Variants in COL23A1 observed in about 807,000 individuals in gnomAD.
COL23A1 encodes the protein collagen alpha-1(XXIII) chain.
In COL23A1, 97 loss-of-function variants were observed where a neutral mutation model predicts 99.3. The observed-to-expected ratio is 0.98, with a 90% CI of 0.83 to 1.16. COL23A1 has a LOEUF of 1.16. Among genes scored for constraint, COL23A1 ranks in the 50% most tolerant of loss-of-function variants. The pLI is 0.00. For missense variants in COL23A1, 762 were observed against 757.4 expected (o/e 1.01, Z -0.07); for synonymous variants, 320 against 308.2 (o/e 1.04, Z -0.40).
At chr5:178,455,270 C>T (rs960417905) in intron 2 of COL23A1, among the ~76,000 whole-genome samples, 4 of 152,272 alleles carry the variant, frequency 2.6e-5, no homozygotes, top group Admixed American at 6.5e-5. Flanking sequence ...CGGGCCTGCC[C>T]GTGGGCCCGC....
intron 6 of COL23A1, among the ~76,000 whole-genome samples, chr5:178,270,039 C>T (rs1362141843): frequency 6.6e-6 from 1 of 152,204 alleles, no homozygotes. Context: ...GCTGACTAGA[C>T]CCCAGGGACT....
At chr5:178,385,413 T>C (rs1370608396) in intron 2 of COL23A1, among the ~76,000 whole-genome samples, 2 of 152,154 alleles carry the variant, frequency 1.3e-5, no homozygotes, top group Non-Finnish European at 2.9e-5. Flanking sequence ...TGGCCAAAAA[T>C]GGAAATGTTT....
chr5:178,411,412 T>C (rs947278698), intron 2 of COL23A1, among the ~76,000 whole-genome samples: 1 of 152,092 alleles, frequency 6.6e-6, no homozygotes, highest in Non-Finnish European at 1.5e-5. Flanking sequence ...AAAAGATGAA[T>C]AGGTAAACAA....
At chr5:178,425,904 G>A (rs1318850207) in intron 2 of COL23A1, among the ~76,000 whole-genome samples, 1 of 152,232 alleles carries the variant, frequency 6.6e-6, no homozygotes, top group African/African-American at 2.4e-5. Context: ...GGGGCTCAGA[G>A]GGCTGGGGGC....
chr5:178,382,315 G>A (rs1318135576), intron 2 of COL23A1, among the ~76,000 whole-genome samples: 1 of 152,184 alleles, frequency 6.6e-6, no homozygotes, highest in Non-Finnish European at 1.5e-5. Context: ...AACCTCCAGG[G>A]CTTTTGTGTT....
At chr5:178,577,215 TC>T (rs1763419936) in intron 1 of COL23A1, among the ~76,000 whole-genome samples, 1 of 152,092 alleles carries the variant, frequency 6.6e-6, no homozygotes, top group South Asian at 2.1e-4. Context: ...CGCCGTTCAT[TC>T]CCGCGTCCTG....
chr5:178,247,509 G>C lies in COL23A1; in HGVS notation c.1296+17C>G, dbSNP rs751639741. ...ACGGTGAGTCTGAGGCCAGTAGAGG[G>C]GTCTGTGCCCACTCACCTTGGGACC... On this transcript the variant is annotated intron_variant, in intron 22 of 28. Transcript: ENST00000390654. 3 of 1,613,860 alleles carry C rather than the reference G, an allele frequency of 1.9e-6. No individual in the cohort carries two copies. The highest frequency in any genetic ancestry group is 2.2e-5 in the East Asian group (1 of 44,894).
chr5:178,456,223 A>G (rs1432187862), intron 2 of COL23A1, among the ~76,000 whole-genome samples: 3 of 152,248 alleles, frequency 2.0e-5, no homozygotes, highest in African/African-American at 7.2e-5. Flanking sequence ...AAATAAATGA[A>G]GTCTTCTATA....
chr5:178,518,598 G>A (rs865837078), intron 2 of COL23A1, among the ~76,000 whole-genome samples: 4,349 of 106,244 alleles, frequency 0.041, 166 homozygotes, highest in East Asian at 0.2. Flanking sequence ...CGGGGCAGAG[G>A]CGCTCCTCAC....
At chr5:178,240,898 C>G (rs550451983) in intron 27 of COL23A1, among the ~76,000 whole-genome samples, 1 of 152,312 alleles carries the variant, frequency 6.6e-6, no homozygotes, top group African/African-American at 2.4e-5. Context: ...CCTGTCTTTT[C>G]TGAGCTCCAC....
rs1328110459 is a variant in COL23A1 at position 178,589,951 on chromosome 5, C to T, written c.247G>A (p.Ala83Thr). Residue 83 changes from alanine (A) to threonine (T), a missense_variant, in exon 1 of 29, where the codon GCC becomes ACC. Physicochemically the swap from Ala to Thr is moderately conservative, Grantham distance 58. Transcript: ENST00000390654. The surrounding 1 kb of genome is among the most constrained non-coding windows in gnomAD (Gnocchi z 5.4). ...TGCGGCTCGGCCCAGGCGTCCAGGG[C>T]GCCTGGCGGCCCCGCGCGCCGCAGC... ...ELLRRAGPPG[A>T]LDAWAEPHLE... 1.5e-5 allele frequency: 20 copies of T among 1,328,338 alleles called. No homozygotes were observed. The South Asian group carries it at 3.2e-4, about 22-fold the overall frequency. 82.3% of individuals were successfully genotyped at this position (1,328,338 alleles called of 1,614,324 possible). A position where few individuals can be genotyped will look rare whatever the true frequency, so the allele number is the denominator to read the frequency against.
chr5:178,519,335 C>T (rs1401687454), intron 2 of COL23A1, among the ~76,000 whole-genome samples: 1 of 152,254 alleles, frequency 6.6e-6, no homozygotes, highest in Non-Finnish European at 1.5e-5. Context: ...CCAATGGCTG[C>T]TGCAAACCCA....
intron 2 of COL23A1, among the ~76,000 whole-genome samples, chr5:178,400,871 C>T (rs1362586793): frequency 1.3e-5 from 2 of 152,214 alleles, no homozygotes; most frequent in African/African-American, 4.8e-5. Context: ...CTCCTGACAT[C>T]AGGTGATCCA....
rs753114384 is a variant in COL23A1 at position 178,245,941 on chromosome 5, C to T, written c.1440+1G>A. ...ACTCAAAGTGATGATAAGACACTTA[C>T]ATCTAGTCCTGGCTCCCCGGGTCTG... is the stretch of plus-strand genomic sequence containing the variant. On this transcript the variant is annotated splice_donor_variant, in intron 25 of 28. Transcript: ENST00000390654. LOFTEE classifies it high-confidence loss of function. 1.2e-6 allele frequency: 2 copies of T among 1,614,178 alleles called. No homozygotes were observed. Among genetic ancestry groups the T allele is most frequent in the East Asian group, 2.2e-5 (1 of 44,882 alleles).
intron 2 of COL23A1, among the ~76,000 whole-genome samples, chr5:178,374,289 T>C (rs1762955597): frequency 6.6e-6 from 1 of 152,116 alleles, no homozygotes; most frequent in African/African-American, 2.4e-5. Context: ...TGAGGTGCCC[T>C]TCCCTCCACC....
At chr5:178,516,605 C>T (rs919010529) in intron 2 of COL23A1, among the ~76,000 whole-genome samples, 1 of 152,224 alleles carries the variant, frequency 6.6e-6, no homozygotes, top group Non-Finnish European at 1.5e-5. Flanking sequence ...CTGGAACGCG[C>T]CAGGCCCTGT....
chr5:178,337,783 T>C (rs1052493570), intron 2 of COL23A1, among the ~76,000 whole-genome samples: 3 of 152,134 alleles, frequency 2.0e-5, no homozygotes, highest in Admixed American at 6.5e-5. Flanking sequence ...ACCATTAGCG[T>C]CTGGTGATGG....
chr5:178,257,663 G>C (rs1765382677), intron 12 of COL23A1, 96 bp from the exon 13 acceptor site: 2 of 1,289,056 alleles, frequency 1.6e-6, no homozygotes, highest in Middle Eastern at 2.2e-4. Context: ...GTCTGCTCCT[G>C]GCATCTGCAC....
At position 178,267,323 on chromosome 5, in the gene COL23A1, C is replaced by G. The variant is rs1342137218; in HGVS notation, c.506G>C (p.Gly169Ala). Residue 169 changes from glycine (G) to alanine (A), a missense_variant, in exon 8 of 29, where the codon GGA becomes GCA. Coordinates refer to ENST00000390654, the MANE Select transcript of COL23A1 (RefSeq NM_173465.4). ...GGTTCTTACCCGGGGGCCAAAGTCT[C>G]CTGGTGCACCCTGGGAACAAAAGAC... ...PGPKGEKGAP[G>A]DFGPRGDQGQ... is the part of the protein sequence containing the mutation. 1 of 1,613,872 alleles carries G rather than the reference C, an allele frequency of 6.2e-7. No individual in the cohort carries two copies. Among genetic ancestry groups the G allele is most frequent in the Non-Finnish European group, 8.5e-7 (1 of 1,179,992 alleles).
Sources: allele counts gnomAD v4.1 joint callset (sites outside exome capture counted in the v4.1 genomes callset), GRCh38; gene constraint gnomAD v4.1.1; non-coding constraint Gnocchi (gnomAD v3.1); transcripts MANE v1.5; gene names NCBI Gene and HGNC (gene_info 2026-07-23, HGNC 2026-07-21).